Variants in UNC13C observed in about 807,000 individuals in gnomAD.
UNC13C encodes protein unc-13 homolog C.
In UNC13C, 174 loss-of-function variants were observed where a neutral mutation model predicts 245.4. The observed-to-expected ratio is 0.71, with a 90% CI of 0.63 to 0.80. UNC13C has a LOEUF of 0.80. Among genes scored for constraint, UNC13C ranks in the 30% least tolerant of loss-of-function variants. The probability of loss-of-function intolerance (pLI) is 0.00; values close to 1 mark genes in which losing one functional copy is unlikely to be tolerated. For synonymous variants in UNC13C, 992 were observed against 895.1 expected, an observed-to-expected ratio of 1.11 and a Z score of -1.93; for missense variants, 2,829 against 2,602.9, an observed-to-expected ratio of 1.09 and a Z score of -1.89.
chr15:54,435,597 A>G (rs969861606), intron 19 of UNC13C, among the ~76,000 whole-genome samples: 5 of 147,078 alleles, frequency 3.4e-5, no homozygotes, highest in Non-Finnish European at 3.0e-5. Context: ...GTGGGGGACT[A>G]GGGGAGGGGT....
chr15:54,265,589 T>C, intron 10 of UNC13C, 93 bp downstream of exon 10: 1 of 983,964 alleles, frequency 1.0e-6, no homozygotes. Context: ...TATCTCATTT[T>C]TTAATAATCT....
chr15:53,992,606 C>A (rs889838719), intron 1 of UNC13C, among the ~76,000 whole-genome samples: 1 of 152,078 alleles, frequency 6.6e-6, no homozygotes, highest in Admixed American at 6.6e-5. Flanking sequence ...GACTCACAGT[C>A]CTGTTTTTCC....
intron 4 of UNC13C, among the ~76,000 whole-genome samples, chr15:54,218,752 T>G (rs1460298881): frequency 1.3e-5 from 2 of 151,870 alleles, no homozygotes; most frequent in Non-Finnish European, 2.9e-5. Context: ...GCTGGGCCAT[T>G]AGGTCAGAAT....
intron 24 of UNC13C, among the ~76,000 whole-genome samples, chr15:54,515,885 T>C (rs1033714971): frequency 1.3e-5 from 2 of 152,216 alleles, no homozygotes; most frequent in African/African-American, 4.8e-5. Flanking sequence ...TTCTGTGTCA[T>C]ACCATGGTGG....
intron 10 of UNC13C, among the ~76,000 whole-genome samples, chr15:54,270,202 G>A (rs1192213739): frequency 3.9e-5 from 6 of 151,970 alleles, no homozygotes; most frequent in East Asian, 1.9e-4. Flanking sequence ...CTTTATAAAC[G>A]GTTCTCTTTT....
intron 17 of UNC13C, among the ~76,000 whole-genome samples, chr15:54,350,561 C>A (rs1383709475): frequency 6.6e-6 from 1 of 152,162 alleles, no homozygotes; most frequent in African/African-American, 2.4e-5. Flanking sequence ...TAAAGGTCTG[C>A]AGTAAAATAT....
the UNC13C span, among the ~76,000 whole-genome samples, chr15:53,908,820 A>G: frequency 4.9e-5 from 7 of 142,616 alleles, 3 homozygotes; most frequent in Admixed American, 2.2e-4. Context: ...TTGCTGTTTT[A>G]GAATACTTAA....
intron 19 of UNC13C, 27 bp downstream of exon 19, chr15:54,415,094 G>A (rs202047514): frequency 1.8e-4 from 273 of 1,500,540 alleles, no homozygotes; most frequent in Non-Finnish European, 2.3e-4. Flanking sequence ...ATACTTATTC[G>A]AATACATGTT....
chr15:54,309,224 C>T (rs544292143), intron 13 of UNC13C, among the ~76,000 whole-genome samples: 10 of 151,646 alleles, frequency 6.6e-5, no homozygotes, highest in Admixed American at 2.0e-4. Flanking sequence ...GATAGCTTAT[C>T]GTGGTTTTAA....
chr15:54,454,580 A>AC (rs779656658), intron 19 of UNC13C, among the ~76,000 whole-genome samples: 97 of 150,998 alleles, frequency 6.4e-4, no homozygotes, highest in Non-Finnish European at 1.0e-3. Flanking sequence ...GAAAAAAAAA[A>AC]AACAACAATA....
intron 2 of UNC13C, among the ~76,000 whole-genome samples, chr15:54,133,670 A>C (rs1358969908): frequency 1.3e-5 from 2 of 152,150 alleles, no homozygotes; most frequent in Non-Finnish European, 2.9e-5. Context: ...GTAATTACAG[A>C]CATTTTACCA....
At chr15:54,397,426 A>G (rs1246802625) in intron 18 of UNC13C, among the ~76,000 whole-genome samples, 2 of 151,432 alleles carry the variant, frequency 1.3e-5, no homozygotes, top group Non-Finnish European at 3.0e-5. Flanking sequence ...CTTGGTCACT[A>G]TCATTTTCTA....
chr15:54,572,161 T>C (rs1227316830), intron 30 of UNC13C, among the ~76,000 whole-genome samples: 1 of 151,926 alleles, frequency 6.6e-6, no homozygotes, highest in Admixed American at 6.6e-5. Context: ...CGGGTCAACA[T>C]GTATCTAAAC....
In UNC13C at chr15:54,300,242, T is replaced by G; in HGVS notation, c.4137T>G (p.Ser1379=). The G allele has an allele frequency of 6.2e-7, 1 of 1,600,446 alleles. No individual in the cohort carries two copies. The highest frequency in any genetic ancestry group is 1.1e-5 in the South Asian group (1 of 88,350). The change falls in exon 13 of 33, where the codon TCT becomes TCG. Residue 1379 remains serine (S), a synonymous_variant. Coordinates refer to ENST00000260323, the MANE Select transcript of UNC13C (RefSeq NM_001080534.3). ...NLFHYLTEVK[S]NGGVKIPEVK... is the part of the protein sequence containing the mutation. ...TCCATTACTTGACTGAAGTGAAATC[T>G]AATGGTGGAGTGAAAATCCCAGAAG...
intron 2 of UNC13C, among the ~76,000 whole-genome samples, chr15:54,047,461 A>T (rs139383275): frequency 6.6e-6 from 1 of 151,874 alleles, no homozygotes; most frequent in Middle Eastern, 3.2e-3. Context: ...TCTCCTTTCT[A>T]TATGATCTTG....
chr15:53,919,744 A>G, the UNC13C span, among the ~76,000 whole-genome samples: 1 of 152,140 alleles, frequency 6.6e-6, no homozygotes, highest in South Asian at 2.1e-4. Context: ...CAAAGGCATG[A>G]CCCAATTGTT....
chr15:54,495,364 T>A (rs1302268258), intron 20 of UNC13C, among the ~76,000 whole-genome samples: 3 of 152,094 alleles, frequency 2.0e-5, no homozygotes, highest in African/African-American at 7.2e-5. Context: ...CTGATAAGCT[T>A]AAATATCATT....
chr15:54,143,911 C>G (rs2032140108), intron 4 of UNC13C, among the ~76,000 whole-genome samples: 1 of 151,470 alleles, frequency 6.6e-6, no homozygotes, highest in African/African-American at 2.4e-5. Flanking sequence ...ATATATAAGT[C>G]AAAATCAACT....
In UNC13C at chr15:54,015,307, C is replaced by G; in HGVS notation, c.2404C>G (p.Gln802Glu). ...FSFPKFGSTL[Q>E]RAKSALEVVW... ...CTTCCCAAAATTTGGATCTACACTG[C>G]AGAGGGCTAAATCAGCCTTGGAAGT... The change falls in exon 2 of 33, where the codon CAG (glutamine) becomes GAG (glutamate). Residue 802 changes from glutamine to glutamate, a missense_variant. Gln to Glu is a conservative substitution (Grantham distance 29). Transcript: ENST00000260323. The G allele has an allele frequency of 6.2e-7, 1 of 1,613,774 alleles. No homozygotes were observed. The highest frequency in any genetic ancestry group is 8.5e-7 in the Non-Finnish European group (1 of 1,179,830).
Sources: allele counts gnomAD v4.1 joint callset (sites outside exome capture counted in the v4.1 genomes callset), GRCh38; gene constraint gnomAD v4.1.1; transcripts MANE v1.5; gene names NCBI Gene and HGNC (gene_info 2026-07-23, HGNC 2026-07-21).